Variants in KCNH7 observed in about 807,000 individuals in gnomAD.
The protein encoded by KCNH7 is voltage-gated inwardly rectifying potassium channel KCNH7.
A neutral mutation model predicts 120.8 loss-of-function variants in KCNH7; 49 were observed. The observed-to-expected ratio is 0.41, with a 90% CI of 0.32 to 0.51. KCNH7 has a LOEUF of 0.51. KCNH7 is among the 20% of genes least tolerant of loss of function. The pLI, the probability that KCNH7 is intolerant of heterozygous loss-of-function variation, is 0.38. For synonymous variants in KCNH7, 547 were observed against 516.1 expected (o/e 1.06, Z -0.81); for missense variants, 1,097 against 1,446.6 (o/e 0.76, Z 3.92).
chr2:162,609,070 C>T (rs1291403468), intron 2 of KCNH7, among the ~76,000 whole-genome samples: 3 of 152,190 alleles, frequency 2.0e-5, no homozygotes, highest in African/African-American at 7.2e-5. Flanking sequence ...CACACACACA[C>T]TCTTCACGCA....
At chr2:162,612,055 A>G (rs2105973216) in intron 2 of KCNH7, among the ~76,000 whole-genome samples, 1 of 152,350 alleles carries the variant, frequency 6.6e-6, no homozygotes, top group East Asian at 1.9e-4. Context: ...ATATCAAATA[A>G]TGTGAAAAGC....
intron 2 of KCNH7, among the ~76,000 whole-genome samples, chr2:162,643,534 C>T (rs541233012): frequency 4.9e-4 from 74 of 151,832 alleles, no homozygotes; most frequent in African/African-American, 1.7e-3. Context: ...AACCGCCGGG[C>T]GAGGTGGCTC....
intron 2 of KCNH7, among the ~76,000 whole-genome samples, chr2:162,765,502 T>A (rs1262790515): frequency 1.3e-5 from 2 of 152,174 alleles, no homozygotes; most frequent in African/African-American, 4.8e-5. Context: ...GCTGGAAGGT[T>A]TTCTTCATAG....
intron 12 of KCNH7, among the ~76,000 whole-genome samples, 165 bp downstream of exon 12, chr2:162,394,224 C>T (rs1385860134): frequency 6.6e-6 from 1 of 151,962 alleles, no homozygotes; most frequent in African/African-American, 2.4e-5. Context: ...AGCTATCAAT[C>T]AGAAACTGGA....
At chr2:162,386,261 T>G (rs1247421186) in intron 12 of KCNH7, among the ~76,000 whole-genome samples, 1 of 151,876 alleles carries the variant, frequency 6.6e-6, no homozygotes, top group African/African-American at 2.4e-5. Flanking sequence ...GCCTTTTCTC[T>G]TCAGTGTCAT....
intron 9 of KCNH7, among the ~76,000 whole-genome samples, chr2:162,413,593 T>C (rs1687455665): frequency 6.6e-6 from 1 of 152,176 alleles, no homozygotes. Context: ...TTTCTATTCA[T>C]GTGAAGGAAA....
chr2:162,790,486 A>G (rs1683891116), intron 2 of KCNH7, among the ~76,000 whole-genome samples: 1 of 152,076 alleles, frequency 6.6e-6, no homozygotes, highest in South Asian at 2.1e-4. Flanking sequence ...TCATTTTACA[A>G]GGTCAGCACT....
At chr2:162,740,933 T>C (rs562589093) in intron 2 of KCNH7, among the ~76,000 whole-genome samples, 1 of 152,304 alleles carries the variant, frequency 6.6e-6, no homozygotes, top group African/African-American at 2.4e-5. Flanking sequence ...TAGTTTTCTC[T>C]ATGTGGGTTT....
intron 2 of KCNH7, among the ~76,000 whole-genome samples, chr2:162,685,458 G>T (rs527683528): frequency 6.6e-6 from 1 of 151,650 alleles, no homozygotes; most frequent in African/African-American, 2.4e-5. Flanking sequence ...ATAAAATCCC[G>T]ACTGAATATA....
At chr2:162,372,735 A>G (rs1040164939) in intron 15 of KCNH7, among the ~76,000 whole-genome samples, 1 of 152,156 alleles carries the variant, frequency 6.6e-6, no homozygotes, top group South Asian at 2.1e-4. Context: ...ACAAATCTTT[A>G]TTTAAATCAT....
chr2:162,518,035 G>A lies in KCNH7; in HGVS notation c.587C>T (p.Ala196Val). The part of the protein sequence containing the change: ...DSSKHSDDSV[A>V]MKHFKSPTKE... ...TGTAGGAGACTTAAAATGCTTCATG[G>A]CTACTGAATCATCACTGTGTTTAGA... The change falls in exon 4 of 16, where the codon GCC becomes GTC. Residue 196 changes from alanine (A) to valine (V), a missense_variant. This residue lies in a region of KCNH7 where 362 missense variants were observed against 372.2 expected (regional missense o/e 0.97). Coordinates refer to ENST00000332142, the MANE Select transcript of KCNH7 (RefSeq NM_033272.4). The A allele has an allele frequency of 6.2e-7, 1 of 1,612,410 alleles. No individual in the cohort carries two copies. The highest frequency in any genetic ancestry group is 8.5e-7 in the Non-Finnish European group (1 of 1,178,892).
intron 9 of KCNH7, among the ~76,000 whole-genome samples, chr2:162,403,958 A>G (rs932375167): frequency 6.6e-6 from 1 of 151,926 alleles, no homozygotes; most frequent in African/African-American, 2.4e-5. Context: ...GAAGATATTT[A>G]TCCAGGGCAC....
chr2:162,780,817 A>C (rs919749748), intron 2 of KCNH7, among the ~76,000 whole-genome samples: 5 of 152,148 alleles, frequency 3.3e-5, no homozygotes, highest in Non-Finnish European at 7.4e-5. Context: ...TTCTAAACAA[A>C]AATTACTCAA....
chr2:162,478,807 G>C (rs921078965), intron 6 of KCNH7, among the ~76,000 whole-genome samples: 1 of 152,032 alleles, frequency 6.6e-6, no homozygotes, highest in African/African-American at 2.4e-5. Flanking sequence ...CTTGCCTCCC[G>C]TGTAAGGTAG....
chr2:162,824,719 AT>A (rs1685225623), intron 2 of KCNH7, among the ~76,000 whole-genome samples: 1 of 152,058 alleles, frequency 6.6e-6, no homozygotes, highest in South Asian at 2.1e-4. Context: ...TGAGCATTTG[AT>A]GTCACTATAA....
intron 6 of KCNH7, among the ~76,000 whole-genome samples, chr2:162,461,409 A>T (rs918536317): frequency 3.9e-5 from 6 of 152,224 alleles, no homozygotes; most frequent in African/African-American, 1.4e-4. Flanking sequence ...ATAGTTCCAC[A>T]TATAGTCCCT....
intron 2 of KCNH7, among the ~76,000 whole-genome samples, chr2:162,771,440 T>C (rs1009881906): frequency 6.6e-6 from 1 of 152,140 alleles, no homozygotes; most frequent in Non-Finnish European, 1.5e-5. Flanking sequence ...ACTTTAGCCA[T>C]GAAACTTTCC....
At chr2:162,812,845 T>C (rs112091756) in intron 2 of KCNH7, among the ~76,000 whole-genome samples, 3,951 of 151,094 alleles carry the variant, frequency 0.026, 161 homozygotes, top group African/African-American at 0.09. Context: ...GAAGAGAGAG[T>C]TGACCGGAGT....
intron 2 of KCNH7, among the ~76,000 whole-genome samples, chr2:162,605,191 A>C (rs965835948): frequency 2.0e-5 from 3 of 152,102 alleles, no homozygotes; most frequent in African/African-American, 7.2e-5. Context: ...AGACAGATTG[A>C]AAGTGTGCAG....
Sources: allele counts gnomAD v4.1 joint callset (sites outside exome capture counted in the v4.1 genomes callset), GRCh38; gene constraint gnomAD v4.1.1; regional missense constraint gnomAD v4.1.1; transcripts MANE v1.5; gene names NCBI Gene and HGNC (gene_info 2026-07-23, HGNC 2026-07-21).